TBXAS1: variants seen among roughly 807,000 people sequenced by gnomAD.
TBXAS1 encodes the protein thromboxane A synthase 1.
TBXAS1 carries 48 observed loss-of-function variants against 60.7 expected under a neutral mutation model. The ratio of observed to expected loss-of-function variants is 0.79; its 90% confidence interval spans 0.63 to 1.01. The LOEUF (loss-of-function observed/expected upper bound fraction) is 1.01, where lower values mean the gene tolerates loss of function less well. Among genes scored for constraint, TBXAS1 ranks in the 50% least tolerant of loss-of-function variants. TBXAS1 has a pLI of 0.00. For missense variants in TBXAS1, 685 were observed against 686.3 expected (o/e 1.00, Z 0.02); for synonymous variants, 287 against 269.7 (o/e 1.06, Z -0.63).
chr7:139,876,557 G>A (rs1190577201), intron 3 of TBXAS1, among the ~76,000 whole-genome samples: 1 of 152,012 alleles, frequency 6.6e-6, no homozygotes, highest in African/African-American at 2.4e-5. Context: ...AGTGATTTGG[G>A]GGTCCTATCT....
chr7:139,856,366 A>G (rs1484063901), intron 1 of TBXAS1, among the ~76,000 whole-genome samples: 1 of 152,152 alleles, frequency 6.6e-6, no homozygotes, highest in Non-Finnish European at 1.5e-5. Flanking sequence ...CTGTGATTCC[A>G]CTGACTTGGC....
chr7:139,846,310 G>A (rs1028526908), intron 1 of TBXAS1, among the ~76,000 whole-genome samples: 3 of 152,182 alleles, frequency 2.0e-5, no homozygotes, highest in Admixed American at 1.3e-4. Context: ...CAGGGCTTAG[G>A]CTTTGGAATC....
intron 1 of TBXAS1, among the ~76,000 whole-genome samples, chr7:139,848,853 T>C (rs538325344): frequency 6.6e-6 from 1 of 152,248 alleles, no homozygotes; most frequent in South Asian, 2.1e-4. Context: ...TGTAGAATTT[T>C]GATACAGATG....
intron 3 of TBXAS1, among the ~76,000 whole-genome samples, chr7:139,903,365 T>TA (rs1336609476): frequency 6.6e-6 from 1 of 152,118 alleles, no homozygotes; most frequent in Non-Finnish European, 1.5e-5. Flanking sequence ...TTTGGGTTGG[T>TA]TCCATGATTT....
At chr7:139,989,295 G>A (rs1812724842) in intron 9 of TBXAS1, among the ~76,000 whole-genome samples, 1 of 152,166 alleles carries the variant, frequency 6.6e-6, no homozygotes, top group Non-Finnish European at 1.5e-5. Flanking sequence ...AGCTAGGTTG[G>A]GGAGCTGCTA....
intron 4 of TBXAS1, among the ~76,000 whole-genome samples, chr7:139,816,565 G>A (rs1404592343): frequency 6.6e-6 from 1 of 152,176 alleles, no homozygotes; most frequent in Non-Finnish European, 1.5e-5. Flanking sequence ...GAAGCACACT[G>A]TTCTCAAAGA....
chr7:139,805,749 TCTTTCTTG>T (rs1797856157), intron 4 of TBXAS1, among the ~76,000 whole-genome samples: 2 of 142,030 alleles, frequency 1.4e-5, no homozygotes, highest in African/African-American at 5.5e-5. Context: ...TTTCTTTCTT[TCTTTCTTG>T]TCTTTCTTTC....
intron 9 of TBXAS1, among the ~76,000 whole-genome samples, chr7:139,984,347 C>T (rs1363097717): frequency 1.3e-5 from 2 of 151,982 alleles, no homozygotes; most frequent in Admixed American, 6.6e-5. Flanking sequence ...TGTCAGAAAC[C>T]TTAGATTCAC....
intron 5 of TBXAS1, chr7:139,952,414 C>T: frequency 8.9e-7 from 1 of 1,124,454 alleles, no homozygotes; most frequent in Non-Finnish European, 1.2e-6. Flanking sequence ...GTGTGAAAAT[C>T]ATCAAATCTA....
chr7:139,844,200 G>A (rs1043430140), intron 1 of TBXAS1, among the ~76,000 whole-genome samples: 2 of 152,166 alleles, frequency 1.3e-5, no homozygotes, highest in South Asian at 2.1e-4. Context: ...GGGGTATCCT[G>A]ACACCAGACT....
chr7:140,009,347 T>C (rs1160980861), intron 10 of TBXAS1, among the ~76,000 whole-genome samples: 1 of 152,180 alleles, frequency 6.6e-6, no homozygotes, highest in African/African-American at 2.4e-5. Flanking sequence ...TGCTGCTCCG[T>C]GCCTCTCCTT....
chr7:139,778,376 T>G (rs1860509), upstream of TBXAS1: 55,642 of 152,940 alleles, frequency 0.36, 14,699 homozygotes, highest in African/African-American at 0.75. The surrounding 1 kb of genome is among the most constrained non-coding windows in gnomAD (Gnocchi z 4.8). Context: ...GTGCGAGGGT[T>G]CGCGCGTGTG....
At chr7:139,912,251 T>TTAAA (rs1281326465) in intron 4 of TBXAS1, among the ~76,000 whole-genome samples, 1 of 151,320 alleles carries the variant, frequency 6.6e-6, no homozygotes, top group Non-Finnish European at 1.5e-5. Context: ...CTCAAAAAAA[T>TTAAA]TAAATAAATA....
chr7:140,010,975 CAA>C (rs557900360), intron 10 of TBXAS1, among the ~76,000 whole-genome samples: 3 of 135,614 alleles, frequency 2.2e-5, no homozygotes, highest in African/African-American at 2.7e-5. Context: ...AAAACAAAAC[CAA>C]AAAAAAAAAA....
intron 4 of TBXAS1, among the ~76,000 whole-genome samples, chr7:139,805,682 C>CTT (rs1323610656): frequency 3.6e-4 from 9 of 25,074 alleles, no homozygotes; most frequent in Admixed American, 6.5e-4. Flanking sequence ...TTCTTTCTTT[C>CTT]TTTCTTTCTT....
chr7:139,850,861 T>C (rs979612475), intron 1 of TBXAS1, among the ~76,000 whole-genome samples: 3 of 152,164 alleles, frequency 2.0e-5, no homozygotes, highest in Non-Finnish European at 4.4e-5. Flanking sequence ...TACCAGGAGA[T>C]GGACAGAGGC....
At chr7:139,914,967 G>A (rs1805856296) in intron 4 of TBXAS1, among the ~76,000 whole-genome samples, 1 of 152,006 alleles carries the variant, frequency 6.6e-6, no homozygotes, top group Non-Finnish European at 1.5e-5. Context: ...GAAGAATGAG[G>A]TATTACTTGA....
At chr7:140,005,075 C>G (rs531831344) in intron 9 of TBXAS1, among the ~76,000 whole-genome samples, 1 of 152,178 alleles carries the variant, frequency 6.6e-6, no homozygotes, top group Non-Finnish European at 1.5e-5. Context: ...GAGAGCTGGT[C>G]GTGGGAGGCA....
chr7:140,020,214 T>C lies in TBXAS1; in HGVS notation c.*115T>C, dbSNP rs755323687. 4.0e-6 allele frequency: 4 copies of C among 1,010,760 alleles called. No homozygotes were observed. The South Asian group carries it at 5.2e-5, about 13-fold the overall frequency. 62.6% of individuals were successfully genotyped at this position (1,010,760 alleles called of 1,614,324 possible). ...GAAGTGATTGAAAGAGTGCCTGGCA[T>C]GCAAGGATAAGAGGTTCTTTACATA... On this transcript the variant is annotated 3_prime_UTR_variant, in exon 13 of 13. Coordinates refer to ENST00000448866, the MANE Select transcript of TBXAS1 (RefSeq NM_001061.7).
Sources: allele counts gnomAD v4.1 joint callset (sites outside exome capture counted in the v4.1 genomes callset), GRCh38; gene constraint gnomAD v4.1.1; non-coding constraint Gnocchi (gnomAD v3.1); transcripts MANE v1.5; gene names NCBI Gene and HGNC (gene_info 2026-07-23, HGNC 2026-07-21).